Variants in FKBP14 observed in about 807,000 individuals in gnomAD.
FKBP14 encodes the protein FKBP prolyl isomerase 14, also known as peptidyl-prolyl cis-trans isomerase FKBP14.
Under a neutral mutation model 21.6 loss-of-function variants are expected in FKBP14, and 20 were observed. The observed-to-expected ratio is 0.92, with a 90% CI of 0.65 to 1.34. The LOEUF (loss-of-function observed/expected upper bound fraction) is 1.34, where lower values mean the gene tolerates loss of function less well. Among genes scored for constraint, FKBP14 ranks in the 40% most tolerant of loss-of-function variants. The probability of loss-of-function intolerance (pLI) is 0.00; values close to 1 mark genes in which losing one functional copy is unlikely to be tolerated. For synonymous variants in FKBP14, 79 were observed against 86.7 expected, an observed-to-expected ratio of 0.91 and a Z score of 0.49; for missense variants, 253 against 249.0, an observed-to-expected ratio of 1.02 and a Z score of -0.11.
rs949510729 is a variant in FKBP14 at position 30,011,565 on chromosome 7, CATATATATGGTATATAT to C, written c.*3153_*3169del. 2.5e-5 allele frequency: 3 copies of C among 120,468 alleles called. No individual in the cohort carries two copies. Among genetic ancestry groups the C allele is most frequent in the African/African-American group, 6.4e-5 (2 of 31,152 alleles). The allele number at this position is 120,468 out of a possible 1,614,324, so 7.5% of individuals were successfully genotyped here. On this transcript the variant is annotated 3_prime_UTR_variant, in exon 4 of 4. Transcript: ENST00000222803. ...ATATATATACTATATATATATATAC[CATATATATGGTATATAT>C]ATATATATAGTATATATATATATAT...
At chr7:30,009,313 A>G (rs1789672499), downstream of FKBP14, among the ~76,000 whole-genome samples, 1 of 151,308 alleles carries the variant, frequency 6.6e-6, no homozygotes, top group East Asian at 2.0e-4. Flanking sequence ...GCTCACTTCA[A>G]CCTCCACCTC....
downstream of FKBP14, among the ~76,000 whole-genome samples, chr7:30,008,933 C>T (rs1268187655): frequency 1.3e-5 from 2 of 149,136 alleles, no homozygotes; most frequent in East Asian, 3.9e-4. Flanking sequence ...GGCGACAGAG[C>T]GAGAATCCGT....
chr7:30,009,008 G>T (rs1408801104), downstream of FKBP14, among the ~76,000 whole-genome samples: 1 of 151,654 alleles, frequency 6.6e-6, no homozygotes, highest in African/African-American at 2.4e-5. Context: ...TACTATAATA[G>T]TAATGCATAG....
intron 2 of FKBP14, among the ~76,000 whole-genome samples, chr7:30,021,335 T>C (rs564546469): frequency 2.0e-5 from 3 of 152,306 alleles, no homozygotes; most frequent in African/African-American, 7.2e-5. Flanking sequence ...CTCATGCATT[T>C]CAGATATAAT....
rs117657528 is a variant in FKBP14 at position 30,019,398 on chromosome 7, T to C, written c.350-275A>G. ...CACAATGCATATACATACATAGAGA[T>C]GTACCTAATGGCTTAGGTATTACAT... On this transcript the variant is annotated intron_variant, in intron 2 of 3. Transcript: ENST00000222803. 5.7e-3 allele frequency among the ~76,000 whole-genome samples: 872 copies of C among 152,228 alleles called. 1 individual carries two copies. The highest frequency in any genetic ancestry group is 8.0e-3 in the Non-Finnish European group (543 of 67,990).
intron 2 of FKBP14, among the ~76,000 whole-genome samples, chr7:30,019,551 A>T (rs1789976837): frequency 1.3e-5 from 2 of 152,144 alleles, no homozygotes; most frequent in Non-Finnish European, 2.9e-5. Context: ...ACCTAGAAAT[A>T]CATACAGTAT....
rs2127946053 is a variant in FKBP14 at position 30,013,172 on chromosome 7, T to A, written c.*1563A>T. On this transcript the variant is annotated 3_prime_UTR_variant, in exon 4 of 4. Coordinates refer to ENST00000222803, the MANE Select transcript of FKBP14 (RefSeq NM_017946.4). The stretch of plus-strand genomic sequence containing the variant: ...AAAGAATTAAAGATAAAAGCCAATT[T>A]AAAATAAAATTATATATATTTTTTT... 1 of 151,968 alleles carries A rather than the reference T, an allele frequency of 6.6e-6. No homozygotes were observed. The highest frequency in any genetic ancestry group is 1.9e-4 in the East Asian group (1 of 5,188). The allele number at this position is 151,968 out of a possible 1,614,324, so 9.4% of individuals were successfully genotyped here.
At chr7:30,019,832 G>T (rs747925679) in intron 2 of FKBP14, among the ~76,000 whole-genome samples, 2 of 152,048 alleles carry the variant, frequency 1.3e-5, no homozygotes, top group Non-Finnish European at 2.9e-5. Flanking sequence ...TAAAAATAAT[G>T]CAGGAAGGTT....
rs765841495 is a variant in FKBP14, at chr7:30,022,700, A to C, written c.314T>G (p.Ile105Ser). 3.1e-6 allele frequency: 5 copies of C among 1,614,138 alleles called. No individual in the cohort carries two copies. The highest frequency in any genetic ancestry group is 3.4e-6 in the Non-Finnish European group (4 of 1,180,002). Reference protein sequence around the residue: ...MCVGEKRKLIIPPALGYGKEG... With the variant: ...MCVGEKRKLISPPALGYGKEG... ...TTTTCCATAGCCCAGAGCAGGAGGA[A>C]TGATGAGCTTTCTCTTCTCTCCTAC... Residue 105 changes from isoleucine (I) to serine (S), a missense_variant, in exon 2 of 4, where the codon ATT becomes AGT. Ile to Ser is a moderately radical substitution (Grantham distance 142). Coordinates refer to ENST00000222803, the MANE Select transcript of FKBP14 (RefSeq NM_017946.4).
intron 2 of FKBP14, among the ~76,000 whole-genome samples, chr7:30,019,545 A>G (rs1789976700): frequency 1.3e-5 from 2 of 152,172 alleles, no homozygotes; most frequent in South Asian, 4.1e-4. Flanking sequence ...GTCCTGACCT[A>G]GAAATACATA....
Position 30,019,455 on chromosome 7 carries a change from T to C in FKBP14, c.350-332A>G, listed in dbSNP as rs192592178. ...TATAATTAATATATTACATATTATA[T>C]GTCAAGAAGGACTTGAAGGGTTTTA... On this transcript the variant is annotated intron_variant, in intron 2 of 3. Transcript: ENST00000222803. 4.1e-4 allele frequency among the ~76,000 whole-genome samples: 63 copies of C among 152,246 alleles called. 1 individual carries two copies. Among genetic ancestry groups the C allele is most frequent in the African/African-American group, 1.4e-3 (57 of 41,548 alleles).
rs1195119620 is a variant in FKBP14, at chr7:30,014,075, C to T, written c.*660G>A. On this transcript the variant is annotated 3_prime_UTR_variant, in exon 4 of 4. Coordinates refer to ENST00000222803, the MANE Select transcript of FKBP14 (RefSeq NM_017946.4). Reference sequence around the variant, plus strand: ...ATAGGGTTTCTCCGTGTTGGTCAGGCTGGTCTCGAACTCCCAACCTCAGGT... The same window carrying T: ...ATAGGGTTTCTCCGTGTTGGTCAGGTTGGTCTCGAACTCCCAACCTCAGGT... 6.6e-6 allele frequency: 1 copy of T among 152,042 alleles called. No individual in the cohort carries two copies. Among genetic ancestry groups the T allele is most frequent in the Non-Finnish European group, 1.5e-5 (1 of 68,048 alleles). 9.4% of individuals were successfully genotyped at this position (152,042 alleles called of 1,614,324 possible).
chr7:30,026,640 C>G lies in FKBP14; in HGVS notation c.-132G>C, dbSNP rs1030120928. On this transcript the variant is annotated 5_prime_UTR_variant, in exon 1 of 4. Transcript: ENST00000222803. ...TTCAGGACTCCCCCTTCTTAGAAGACGTGGCACATTTACCACCAACTCTTT... is the reference window on the plus strand; with the variant it reads ...TTCAGGACTCCCCCTTCTTAGAAGAGGTGGCACATTTACCACCAACTCTTT... 5 of 741,410 alleles carry G rather than the reference C, an allele frequency of 6.7e-6. No individual in the cohort carries two copies. The African/African-American group carries it at 8.8e-5, about 13-fold the overall frequency. 45.9% of individuals were successfully genotyped at this position (741,410 alleles called of 1,614,324 possible). A position where few individuals can be genotyped will look rare whatever the true frequency, so the allele number is the denominator to read the frequency against.
downstream of FKBP14, among the ~76,000 whole-genome samples, chr7:30,008,676 TAAAAA>T (rs555628865): frequency 8.7e-6 from 1 of 115,248 alleles, no homozygotes; most frequent in Non-Finnish European, 1.8e-5. Context: ...AGCTGAGATT[TAAAAA>T]AAAAAAAAAA....
chr7:30,007,180 AAAAG>A (rs1789631391), downstream of FKBP14, among the ~76,000 whole-genome samples: 1 of 151,458 alleles, frequency 6.6e-6, no homozygotes, highest in African/African-American at 2.4e-5. Flanking sequence ...GTAATTAAAA[AAAAG>A]AATTCAGTCA....
In FKBP14 at chr7:30,013,003, C is replaced by T. The variant is rs1018401437; in HGVS notation, c.*1732G>A. ...CAATCTTTTTGAATGACAATTTCCT[C>T]GTCTATAAATTAGGTACAGTGAGAT... On this transcript the variant is annotated 3_prime_UTR_variant, in exon 4 of 4. Transcript: ENST00000222803. The T allele has an allele frequency of 3.9e-5, 6 of 152,106 alleles. No individual in the cohort carries two copies. The highest frequency in any genetic ancestry group is 3.4e-3 in the Middle Eastern group (1 of 294). 9.4% of individuals were successfully genotyped at this position (152,106 alleles called of 1,614,324 possible).
At chr7:30,023,778 A>G (rs1583735496) in intron 1 of FKBP14, among the ~76,000 whole-genome samples, 1 of 152,200 alleles carries the variant, frequency 6.6e-6, no homozygotes. Flanking sequence ...GCTGCCTTTT[A>G]TAAAACCATC....
rs1159422560 is a variant in FKBP14, at chr7:30,026,372, T to C, written c.137A>G (p.Asp46Gly). ...GCCTTCATAGTGGACCAACATCAAA[T>C]CCCCTCCTTTGGTCTTGCGATGGCA... The part of the protein sequence containing the change: ...FICHRKTKGG[D>G]LMLVHYEGYL... Residue 46 changes from aspartate to glycine, a missense_variant, in exon 1 of 4, where the codon GAT becomes GGT. Physicochemically the swap from Asp to Gly is moderately conservative, Grantham distance 94. Coordinates refer to ENST00000222803, the MANE Select transcript of FKBP14 (RefSeq NM_017946.4). 6.2e-7 allele frequency: 1 copy of C among 1,614,076 alleles called. No individual in the cohort carries two copies. The highest frequency in any genetic ancestry group is 8.5e-7 in the Non-Finnish European group (1 of 1,179,998).
In FKBP14 at chr7:30,015,687, G is replaced by T. The variant is rs568153301; in HGVS notation, c.478-794C>A. ...GTTGCCCAGGCTGGAGTGCAGTGGC[G>T]CAATCTCGGCTCACTGCAAGCTCCG... is the stretch of plus-strand genomic sequence containing the variant. On this transcript the variant is annotated intron_variant, in intron 3 of 3. Transcript: ENST00000222803. 7.8e-3 allele frequency among the ~76,000 whole-genome samples: 1,094 copies of T among 139,828 alleles called. 17 individuals carry two copies. Among genetic ancestry groups the T allele is most frequent in the African/African-American group, 0.027 (1,022 of 37,612 alleles). 91.7% of individuals were successfully genotyped at this position (139,828 alleles called of 152,430 possible).
Sources: allele counts gnomAD v4.1 joint callset (sites outside exome capture counted in the v4.1 genomes callset), GRCh38; gene constraint gnomAD v4.1.1; transcripts MANE v1.5; gene names NCBI Gene and HGNC (gene_info 2026-07-23, HGNC 2026-07-21).